The following VPS51 variants were observed in gnomAD, a reference collection of about 807,000 sequenced individuals.
VPS51 encodes the protein VPS51 subunit of GARP complex, also known as vacuolar protein sorting-associated protein 51 homolog.
In VPS51, 55 loss-of-function variants were observed where a neutral mutation model predicts 65.1. The ratio of observed to expected loss-of-function variants is 0.84; its 90% CI spans 0.68 to 1.06. VPS51 has a LOEUF of 1.06. Among genes scored for constraint, VPS51 ranks in the 50% least tolerant of loss-of-function variants. VPS51 has a pLI of 0.00. For missense variants in VPS51, 943 were observed against 1,101.6 expected (o/e 0.86, Z 2.04); for synonymous variants, 473 against 489.5 (o/e 0.97, Z 0.44).
At chr11:65,108,079 C>T in intron 4 of VPS51, 57 bp downstream of exon 4, 2 of 1,493,564 alleles carry the variant, frequency 1.3e-6, no homozygotes, top group East Asian at 2.5e-5. Context: ...CCCATCTGTG[C>T]CCGGCTCCTG....
chr11:65,107,323 C>G lies in VPS51; in HGVS notation c.359-258C>G. 2 of 610,808 alleles carry G rather than the reference C, an allele frequency of 3.3e-6. No homozygotes were observed. Among genetic ancestry groups the G allele is most frequent in the Non-Finnish European group, 6.1e-6 (2 of 328,516 alleles). 37.8% of individuals were successfully genotyped at this position (610,808 alleles called of 1,614,324 possible). The stretch of plus-strand genomic sequence containing the variant: ...GGCCTGCTTCGGATCTGGACTAATT[C>G]TGAGGGCCGGCTCTCCTGGGCACCA... On this transcript the variant is annotated intron_variant, in intron 2 of 9. Transcript: ENST00000279281. This position sits in a 1 kb window ranked among gnomAD's most constrained non-coding sequence, Gnocchi z 4.0.
intron 7 of VPS51, 34 bp from the exon 8 acceptor site, chr11:65,110,448 C>T (rs189319931): frequency 7.4e-6 from 12 of 1,613,514 alleles, no homozygotes; most frequent in Non-Finnish European, 1.0e-5. Flanking sequence ...TCCCCTGACT[C>T]GGGCCTCCTT....
chr11:65,105,937 A>G (rs568441519), intron 2 of VPS51, among the ~76,000 whole-genome samples: 2 of 152,322 alleles, frequency 1.3e-5, no homozygotes, highest in South Asian at 4.1e-4. Flanking sequence ...TGGAGTTTCC[A>G]TGCCCTCCCC....
rs201119869 is a variant in VPS51 at position 65,097,856 on chromosome 11, C to CA, written c.358+737dup. 3.9e-3 allele frequency among the ~76,000 whole-genome samples: 588 copies of CA among 149,088 alleles called. 4 individuals are homozygous for CA. The highest frequency in any genetic ancestry group is 0.013 in the African/African-American group (526 of 40,500). On this transcript the variant is annotated intron_variant, in intron 2 of 9. Coordinates refer to ENST00000279281, the MANE Select transcript of VPS51 (RefSeq NM_013265.4). Reference sequence around the variant, plus strand: ...TGGGCAACAGAGCAAGACCCTGTCTCAAAAAAAAGAAAGTATCTATCTGAA... The same window carrying CA: ...TGGGCAACAGAGCAAGACCCTGTCTCAAAAAAAAAGAAAGTATCTATCTGAA...
intron 2 of VPS51, 27 bp downstream of exon 2, chr11:65,097,154 A>G: frequency 6.2e-7 from 1 of 1,613,152 alleles, no homozygotes; most frequent in Non-Finnish European, 8.5e-7. Context: ...CACACCCTCC[A>G]AAGTCTCACA....
intron 1 of VPS51, 189 bp downstream of exon 1, chr11:65,096,667 A>ACTGGC: frequency 1.6e-6 from 1 of 638,400 alleles, no homozygotes; most frequent in Non-Finnish European, 2.7e-6. Context: ...GTAGGACTGG[A>ACTGGC]CTGGCCTGAG....
rs780988341 is a variant in VPS51, at chr11:65,108,532, G to A, written c.1061G>A (p.Arg354Gln). The change falls in exon 5 of 10, where the codon CGG becomes CAG. Residue 354 changes from arginine (R) to glutamine (Q), a missense_variant. Around this residue, in one of 2 missense-constraint regions of VPS51, gnomAD observed 855 missense variants for 953.7 expected, o/e 0.90. Transcript: ENST00000279281. ...LGSRYFALVERRLAQEQGGGD... is the reference protein window; with the variant it reads ...LGSRYFALVEQRLAQEQGGGD... ...AGCCGCTATTTTGCGCTGGTGGAGC[G>A]GCGGCTGGCGCAGGAGCAGGGTGGT... The A allele has an allele frequency of 4.4e-6, 7 of 1,585,516 alleles. No homozygotes were observed. In the Admixed American group the frequency reaches 7.0e-5, roughly 16 times the overall value.
chr11:65,106,006 G>A (rs1484579339), intron 2 of VPS51, among the ~76,000 whole-genome samples: 1 of 152,242 alleles, frequency 6.6e-6, no homozygotes, highest in African/African-American at 2.4e-5. Flanking sequence ...ACTCCAGCCT[G>A]GGTGACAGAG....
intron 2 of VPS51, among the ~76,000 whole-genome samples, chr11:65,103,786 C>T (rs1434782196): frequency 1.3e-5 from 2 of 152,010 alleles, no homozygotes; most frequent in African/African-American, 4.8e-5. Context: ...AAATGCTGAT[C>T]AGTTTGCATA....
rs867887338 is a variant in VPS51, at chr11:65,108,404, C to T, written c.933C>T (p.Phe311=). Residue 311 remains phenylalanine, a synonymous_variant, in exon 5 of 10, where the codon TTC becomes TTT. Transcript: ENST00000279281. The stretch of plus-strand genomic sequence containing the variant: ...TCACCGACCATGGAGGCAGTGGCTT[C>T]GTGGGCGGCCTCTGCCAGGTGGCGG... ...LEFTDHGGSG[F]VGGLCQVAAA... 9 of 1,612,066 alleles carry T rather than the reference C, an allele frequency of 5.6e-6. No individual in the cohort carries two copies. The highest frequency in any genetic ancestry group is 1.1e-5 in the South Asian group (1 of 91,076).
chr11:65,105,117 C>T (rs181535695), intron 2 of VPS51, among the ~76,000 whole-genome samples: 17 of 151,904 alleles, frequency 1.1e-4, no homozygotes, highest in Admixed American at 5.9e-4. Flanking sequence ...GAGGTTTTTT[C>T]GACTGGGCAC....
In VPS51 at chr11:65,111,529, G is replaced by A. The variant is rs1299927659; in HGVS notation, c.2291G>A (p.Cys764Tyr). Residue 764 changes from cysteine (C) to tyrosine (Y), a missense_variant, in exon 10 of 10, where the codon TGC becomes TAC. Transcript: ENST00000279281. ...DEVVASAALR[C>Y]PDPVPMEPSV... ...GTGGTGGCCTCTGCTGCCCTGCGCT[G>A]CCCAGACCCTGTGCCCATGGAGCCC... is the stretch of plus-strand genomic sequence containing the variant. The A allele has an allele frequency of 6.2e-7, 1 of 1,612,916 alleles. No individual in the cohort carries two copies. The highest frequency in any genetic ancestry group is 8.5e-7 in the Non-Finnish European group (1 of 1,180,020).
chr11:65,108,546 G>C lies in VPS51; in HGVS notation c.1075G>C (p.Glu359Gln). Residue 359 changes from glutamate to glutamine, a missense_variant, in exon 5 of 10, where the codon GAG becomes CAG. Glu to Gln is a conservative substitution (Grantham distance 29). Transcript: ENST00000279281. ...FALVERRLAQ[E>Q]QGGGDNSLLV... ...GCTGGTGGAGCGGCGGCTGGCGCAG[G>C]AGCAGGGTGGTGGTGACAACTCACT... The C allele has an allele frequency of 6.4e-7, 1 of 1,573,462 alleles. No individual in the cohort carries two copies. Among genetic ancestry groups the C allele is most frequent in the East Asian group, 2.3e-5 (1 of 43,660 alleles).
rs1226195781 is a variant in VPS51, at chr11:65,104,576, CAAA to C, written c.359-3002_359-3000del. Among the ~76,000 whole-genome samples the C allele has an allele frequency of 3.3e-5, 5 of 152,146 alleles. 1 individual carries two copies. Among genetic ancestry groups the C allele is most frequent in the South Asian group, 4.1e-4 (2 of 4,828 alleles). On this transcript the variant is annotated intron_variant, in intron 2 of 9. Transcript: ENST00000279281. Reference sequence around the variant, plus strand: ...TTGAGTCATCCTGGCATTCATGAAACAAAAACCCTTTTGTGTTTATCAATTATT... The same window carrying C: ...TTGAGTCATCCTGGCATTCATGAAACAACCCTTTTGTGTTTATCAATTATT...
At position 65,107,936 on chromosome 11, in the gene VPS51, C is replaced by G; in HGVS notation, c.639C>G (p.Tyr213Ter). Residue 213 changes from tyrosine (Y) to a stop codon, truncating the protein, a stop_gained, in exon 4 of 10, where the codon TAC becomes TAG. Transcript: ENST00000279281. LOFTEE classifies it high-confidence loss of function. The surrounding 1 kb of genome is among the most constrained non-coding windows in gnomAD (Gnocchi z 4.0). Reference sequence around the variant, plus strand: ...GCGCGCAGGCCGTGCTGCAGCAGTACCAACACCTGCCCTCGTTCCGCGCCA... The same window carrying G: ...GCGCGCAGGCCGTGCTGCAGCAGTAGCAACACCTGCCCTCGTTCCGCGCCA... ...QGRAQAVLQQYQHLPSFRAIQ... is the reference protein window; with the variant it reads ...QGRAQAVLQQ The G allele has an allele frequency of 6.4e-7, 1 of 1,565,004 alleles. No homozygotes were observed. Among genetic ancestry groups the G allele is most frequent in the Middle Eastern group, 1.7e-4 (1 of 5,846 alleles).
intron 2 of VPS51, among the ~76,000 whole-genome samples, chr11:65,098,571 G>A (rs1408528428): frequency 6.6e-6 from 1 of 152,200 alleles, no homozygotes; most frequent in East Asian, 1.9e-4. Flanking sequence ...AATGTTCTGG[G>A]AGCATCTGTG....
chr11:65,110,295 C>G (rs1947884210), intron 7 of VPS51, 187 bp from the exon 8 acceptor site: 1 of 1,013,816 alleles, frequency 9.9e-7, no homozygotes, highest in East Asian at 2.4e-5. Flanking sequence ...ACTCTTGTAT[C>G]CTGCCTTTGC....
intron 2 of VPS51, among the ~76,000 whole-genome samples, chr11:65,104,218 C>T (rs969056235): frequency 1.3e-5 from 2 of 152,160 alleles, no homozygotes; most frequent in African/African-American, 2.4e-5. Context: ...CATGAGCTAC[C>T]GTGGCTGGCC....
Position 65,108,869 on chromosome 11 carries a change from T to A in VPS51, c.1398T>A (p.Leu466=). ...AGGCCTCTCTGGCAGCAGTGCACCTTTTCACCGCCAAAGAGGTGTCCTTCT... is the reference window on the plus strand; with the variant it reads ...AGGCCTCTCTGGCAGCAGTGCACCTATTCACCGCCAAAGAGGTGTCCTTCT... ...HIKASLAAVH[L]FTAKEVSFSN... is the part of the protein sequence containing the mutation. Residue 466 remains leucine (L), a synonymous_variant, in exon 5 of 10, where the codon CTT becomes CTA. Coordinates refer to ENST00000279281, the MANE Select transcript of VPS51 (RefSeq NM_013265.4). The A allele has an allele frequency of 6.2e-7, 1 of 1,612,982 alleles. No individual in the cohort carries two copies. The highest frequency in any genetic ancestry group is 8.5e-7 in the Non-Finnish European group (1 of 1,180,006).
Sources: allele counts gnomAD v4.1 joint callset (sites outside exome capture counted in the v4.1 genomes callset), GRCh38; gene constraint gnomAD v4.1.1; regional missense constraint gnomAD v4.1.1; non-coding constraint Gnocchi (gnomAD v3.1); transcripts MANE v1.5; gene names NCBI Gene and HGNC (gene_info 2026-07-23, HGNC 2026-07-21).